Variants in GPC6 observed in about 807,000 individuals in gnomAD.
The protein encoded by GPC6 is glypican-6.
GPC6 carries 14 observed loss-of-function variants against 55.2 expected under a neutral mutation model. The observed-to-expected ratio is 0.25, with a 90% CI of 0.17 to 0.40. The LOEUF (loss-of-function observed/expected upper bound fraction) is 0.40. GPC6 is among the 10% of genes least tolerant of loss of function. GPC6 has a pLI of 1.00. For synonymous variants in GPC6, 278 were observed against 259.6 expected, an observed-to-expected ratio of 1.07 and a Z score of -0.68; for missense variants, 641 against 708.5, an observed-to-expected ratio of 0.90 and a Z score of 1.08.
intron 6 of GPC6, among the ~76,000 whole-genome samples, chr13:94,360,425 T>C (rs1244969845): frequency 6.6e-6 from 1 of 152,246 alleles, no homozygotes; most frequent in Non-Finnish European, 1.5e-5. Context: ...ATTTGATTCA[T>C]CTGTCTTTGG....
At chr13:94,121,433 TA>T (rs1296556824) in intron 4 of GPC6, among the ~76,000 whole-genome samples, 3 of 152,164 alleles carry the variant, frequency 2.0e-5, no homozygotes, top group Non-Finnish European at 4.4e-5. Flanking sequence ...AATCTCAGTT[TA>T]TTAAATAACT....
intron 4 of GPC6, among the ~76,000 whole-genome samples, chr13:94,222,312 G>T (rs1566560959): frequency 6.6e-6 from 1 of 152,092 alleles, no homozygotes; most frequent in Non-Finnish European, 1.5e-5. Flanking sequence ...TAAAACATTG[G>T]ATCTCAGGAA....
intron 2 of GPC6, among the ~76,000 whole-genome samples, chr13:93,631,446 C>T (rs1397708826): frequency 1.3e-5 from 2 of 152,170 alleles, no homozygotes; most frequent in Admixed American, 1.3e-4. Flanking sequence ...TGACTTTCGA[C>T]TTCCAGCCTC....
chr13:93,936,856 C>T (rs1406334598), intron 3 of GPC6, among the ~76,000 whole-genome samples: 1 of 152,140 alleles, frequency 6.6e-6, no homozygotes, highest in Non-Finnish European at 1.5e-5. Flanking sequence ...GCTTAAAATG[C>T]AATATGTATG....
rs763277674 is a variant in GPC6 at position 94,137,120 on chromosome 13, G to T, written c.877+109226G>T. Among the ~76,000 whole-genome samples the T allele has an allele frequency of 4.6e-5, 7 of 152,206 alleles. No individual in the cohort carries two copies. The South Asian group carries it at 6.2e-4, about 13-fold the overall frequency. On this transcript the variant is annotated intron_variant, in intron 4 of 8. Coordinates refer to ENST00000377047, the MANE Select transcript of GPC6 (RefSeq NM_005708.5). The stretch of plus-strand genomic sequence containing the variant: ...TATTTCTAGTTGATCAATTGAAAGA[G>T]AACTGAGGAGTTAGAGAAATTTGAT...
intron 2 of GPC6, among the ~76,000 whole-genome samples, chr13:93,575,215 C>T (rs772812394): frequency 6.6e-6 from 1 of 152,000 alleles, no homozygotes; most frequent in Non-Finnish European, 1.5e-5. Context: ...CGCTTGAACC[C>T]GGGAGGCGGA....
At chr13:94,073,819 GTTTAAC>G (rs1171041751) in intron 4 of GPC6, among the ~76,000 whole-genome samples, 1 of 152,094 alleles carries the variant, frequency 6.6e-6, no homozygotes, top group Non-Finnish European at 1.5e-5. Context: ...CTAGAGCTTT[GTTTAAC>G]TTTAACAACA....
chr13:93,654,823 A>AT lies in GPC6; in HGVS notation c.319+109403dup, dbSNP rs1444086853. On this transcript the variant is annotated intron_variant, in intron 2 of 8. Transcript: ENST00000377047. ...AAACTTCCAATATGAATCCAAAGAC[A>AT]TCAACATAACCAGATTTTTTTTTTT... 4.6e-5 allele frequency among the ~76,000 whole-genome samples: 7 copies of AT among 150,738 alleles called. No homozygotes were observed. In the South Asian group the frequency reaches 1.3e-3, roughly 27 times the overall value.
chr13:94,319,001 G>A (rs186000153), intron 6 of GPC6, among the ~76,000 whole-genome samples: 1 of 152,022 alleles, frequency 6.6e-6, no homozygotes, highest in Admixed American at 6.6e-5. Context: ...ACATCACATA[G>A]CTAGATTTAT....
At chr13:93,895,514 G>A (rs1875959795) in intron 3 of GPC6, among the ~76,000 whole-genome samples, 1 of 151,766 alleles carries the variant, frequency 6.6e-6, no homozygotes, top group Admixed American at 6.6e-5. Flanking sequence ...AGAAGCAACA[G>A]AAAATTCATT....
intron 1 of GPC6, among the ~76,000 whole-genome samples, chr13:93,478,037 A>G (rs1879363442): frequency 6.6e-6 from 1 of 152,098 alleles, no homozygotes; most frequent in Non-Finnish European, 1.5e-5. Flanking sequence ...TAGAGTAGCT[A>G]GAGCCTGGTC....
chr13:93,228,101 C>G (rs1273680400), intron 1 of GPC6, among the ~76,000 whole-genome samples: 1 of 152,130 alleles, frequency 6.6e-6, no homozygotes, highest in Non-Finnish European at 1.5e-5. Flanking sequence ...ACGCGGAGGG[C>G]TCCCCCAGCC....
chr13:93,869,104 T>G (rs770844933), intron 3 of GPC6, among the ~76,000 whole-genome samples: 1 of 151,840 alleles, frequency 6.6e-6, no homozygotes, highest in Non-Finnish European at 1.5e-5. Context: ...TGAAAGTGAT[T>G]AGCCCTTTAA....
chr13:93,999,559 G>A (rs761805897), intron 3 of GPC6, among the ~76,000 whole-genome samples: 94 of 152,142 alleles, frequency 6.2e-4, no homozygotes, highest in African/African-American at 2.1e-3. Context: ...AGTCTTTTGT[G>A]CCTGGGTTAT....
chr13:93,378,029 G>A (rs1408020266), intron 1 of GPC6, among the ~76,000 whole-genome samples: 2 of 152,082 alleles, frequency 1.3e-5, no homozygotes, highest in Non-Finnish European at 1.5e-5. Context: ...TTTCTAATTT[G>A]CTTTTTATTT....
At chr13:94,086,913 T>C (rs1167039310) in intron 4 of GPC6, among the ~76,000 whole-genome samples, 2 of 152,234 alleles carry the variant, frequency 1.3e-5, no homozygotes, top group Admixed American at 6.5e-5. Context: ...ACTATCTTAT[T>C]AGTGGTTCAG....
intron 1 of GPC6, among the ~76,000 whole-genome samples, chr13:93,401,751 G>C (rs1020887697): frequency 5.5e-4 from 80 of 144,988 alleles, no homozygotes; most frequent in African/African-American, 2.0e-3. Flanking sequence ...GGAAAGCATT[G>C]GCTAGTTTAT....
At chr13:93,912,708 A>T (rs1049741749) in intron 3 of GPC6, among the ~76,000 whole-genome samples, 2 of 152,158 alleles carry the variant, frequency 1.3e-5, no homozygotes, top group Non-Finnish European at 2.9e-5. Context: ...GCGCCACTGC[A>T]CTCCAGCCTG....
At chr13:93,960,979 A>C (rs532244457) in intron 3 of GPC6, among the ~76,000 whole-genome samples, 8 of 151,790 alleles carry the variant, frequency 5.3e-5, no homozygotes, top group African/African-American at 1.9e-4. Context: ...CGTCCGGCTA[A>C]TTTTTTTGTA....
Sources: gnomAD v4.1 joint callset for allele counts (sites outside exome capture counted in the v4.1 genomes callset) on GRCh38, gnomAD v4.1.1 for gene constraint, MANE v1.5 for transcripts, NCBI Gene and HGNC (gene_info 2026-07-23, HGNC 2026-07-21) for gene names.